The following CNOT4 variants were observed in gnomAD, a reference collection of about 807,000 sequenced individuals.
CNOT4 encodes CCR4-associated factor 4.
CNOT4 carries 8 observed loss-of-function variants against 73.8 expected under a neutral mutation model. That is an observed-to-expected ratio of 0.11 (90% CI 0.06 to 0.20). The LOEUF (loss-of-function observed/expected upper bound fraction) is 0.20. Among genes scored for constraint, CNOT4 ranks in the 10% least tolerant of loss-of-function variants. CNOT4 has a pLI of 1.00. For synonymous variants in CNOT4, 293 were observed against 321.1 expected, an observed-to-expected ratio of 0.91 and a Z score of 0.94; for missense variants, 564 against 883.4, an observed-to-expected ratio of 0.64 and a Z score of 4.58.
intron 1 of CNOT4, among the ~76,000 whole-genome samples, chr7:135,492,436 A>C (rs554756452): frequency 6.6e-6 from 1 of 152,328 alleles, no homozygotes; most frequent in Admixed American, 6.5e-5. Flanking sequence ...CGATTGAATT[A>C]TACAAGGTAA....
intron 7 of CNOT4, among the ~76,000 whole-genome samples, chr7:135,406,996 C>T (rs1797328692): frequency 6.6e-6 from 1 of 152,176 alleles, no homozygotes; most frequent in Non-Finnish European, 1.5e-5. Context: ...TGGTGGGAGG[C>T]ATTTGAATCA....
rs546726997 is a variant in CNOT4, at chr7:135,424,790, A to AAAAC, written c.175-2441_175-2438dup. On this transcript the variant is annotated intron_variant, in intron 2 of 11. Coordinates refer to ENST00000541284, the MANE Select transcript of CNOT4 (RefSeq NM_001190850.2). ...GGCGACAGAGCCAGACTCCTTCTCA[A>AAAAC]AAACAAACAAACAAACAAACAAACA... is the stretch of plus-strand genomic sequence containing the variant. Among the ~76,000 whole-genome samples the AAAAC allele has an allele frequency of 3.8e-3, 576 of 152,108 alleles. 1 individual carries two copies. The highest frequency in any genetic ancestry group is 9.3e-3 in the African/African-American group (385 of 41,494).
At chr7:135,416,304 G>A (rs1247924007) in intron 3 of CNOT4, among the ~76,000 whole-genome samples, 2 of 152,158 alleles carry the variant, frequency 1.3e-5, no homozygotes, top group South Asian at 2.1e-4. Flanking sequence ...TCTACGGCGG[G>A]TGTATCATTA....
intron 1 of CNOT4, among the ~76,000 whole-genome samples, chr7:135,452,023 G>A (rs1353464019): frequency 2.0e-5 from 3 of 152,098 alleles, no homozygotes; most frequent in Non-Finnish European, 4.4e-5. Context: ...TGAGGAGGGA[G>A]GCTCACCTGA....
At chr7:135,435,704 C>G (rs1799117287) in intron 2 of CNOT4, among the ~76,000 whole-genome samples, 1 of 152,124 alleles carries the variant, frequency 6.6e-6, no homozygotes, top group Non-Finnish European at 1.5e-5. Flanking sequence ...TTTTTGCACA[C>G]CTTTACATGT....
chr7:135,415,972 C>G (rs1169121398), intron 3 of CNOT4, among the ~76,000 whole-genome samples: 2 of 152,054 alleles, frequency 1.3e-5, no homozygotes, highest in East Asian at 3.9e-4. Flanking sequence ...ATCTCCTTTA[C>G]TTTGTGAACA....
intron 10 of CNOT4, among the ~76,000 whole-genome samples, chr7:135,377,759 T>G (rs1795599640): frequency 6.6e-6 from 1 of 152,168 alleles, no homozygotes; most frequent in Non-Finnish European, 1.5e-5. Context: ...TAAGTGTTCA[T>G]CCTTAGCAAT....
intron 1 of CNOT4, among the ~76,000 whole-genome samples, chr7:135,455,854 C>T (rs1296380137): frequency 6.6e-6 from 1 of 152,088 alleles, no homozygotes; most frequent in Non-Finnish European, 1.5e-5. Context: ...GGCAACAGAG[C>T]AAGACTGTCT....
At chr7:135,505,149 T>C (rs1382971437) in intron 1 of CNOT4, among the ~76,000 whole-genome samples, 3 of 152,164 alleles carry the variant, frequency 2.0e-5, no homozygotes, top group Non-Finnish European at 4.4e-5. Flanking sequence ...TACACACCTA[T>C]ACAAATAGCA....
intron 3 of CNOT4, among the ~76,000 whole-genome samples, chr7:135,418,853 T>C (rs1167459115): frequency 6.6e-6 from 1 of 152,162 alleles, no homozygotes; most frequent in Non-Finnish European, 1.5e-5. Flanking sequence ...AGCTAAGTGT[T>C]CTAATATATG....
chr7:135,488,367 C>T (rs1366439732), intron 1 of CNOT4, among the ~76,000 whole-genome samples: 2 of 152,196 alleles, frequency 1.3e-5, no homozygotes, highest in African/African-American at 4.8e-5. Flanking sequence ...CACATGCCAT[C>T]ACACCCAGCT....
At chr7:135,398,501 T>G (rs1299174451) in intron 7 of CNOT4, among the ~76,000 whole-genome samples, 2 of 152,046 alleles carry the variant, frequency 1.3e-5, no homozygotes, top group African/African-American at 4.8e-5. Flanking sequence ...CTAGAGCATT[T>G]CAGAGTTCAG....
intron 1 of CNOT4, among the ~76,000 whole-genome samples, chr7:135,485,723 G>A (rs946542419): frequency 2.0e-5 from 3 of 152,048 alleles, no homozygotes; most frequent in Non-Finnish European, 2.9e-5. Context: ...GAAGGGAAGC[G>A]GGACAAGAAG....
In CNOT4 at chr7:135,494,239, G is replaced by A. The variant is rs374158519; in HGVS notation, c.-93+15650C>T. Among the ~76,000 whole-genome samples the A allele has an allele frequency of 3.5e-3, 536 of 152,070 alleles. 4 individuals carry two copies. Among genetic ancestry groups the A allele is most frequent in the South Asian group, 0.021 (102 of 4,814 alleles). The stretch of plus-strand genomic sequence containing the variant: ...AATCCCAGCACTTTGGGAGGCCAAG[G>A]CGGGCAGATCACCTGAGGTCAGGAG... On this transcript the variant is annotated intron_variant, in intron 1 of 11. Coordinates refer to ENST00000541284, the MANE Select transcript of CNOT4 (RefSeq NM_001190850.2).
chr7:135,388,298 C>G (rs1796225134), intron 10 of CNOT4: 1 of 984,808 alleles, frequency 1.0e-6, no homozygotes, highest in African/African-American at 1.7e-5. Flanking sequence ...CCAACAATAT[C>G]CTTCTGAGCA....
intron 1 of CNOT4, among the ~76,000 whole-genome samples, chr7:135,452,602 T>A (rs1800243163): frequency 6.6e-6 from 1 of 152,116 alleles, no homozygotes; most frequent in Non-Finnish European, 1.5e-5. Flanking sequence ...AATAGCAGTG[T>A]CTGTCACTGA....
chr7:135,467,586 A>C (rs1801301919), intron 1 of CNOT4, among the ~76,000 whole-genome samples: 2 of 152,170 alleles, frequency 1.3e-5, no homozygotes, highest in Admixed American at 1.3e-4. Context: ...GGTGACGTGC[A>C]TGTGTAGTTC....
In CNOT4 at chr7:135,394,108, AAAT is replaced by A; in HGVS notation, c.1434_1436del (p.Gln478_Phe479delinsHis). The A allele has an allele frequency of 6.2e-7, 1 of 1,614,198 alleles. No individual in the cohort carries two copies. Among genetic ancestry groups the A allele is most frequent in the Non-Finnish European group, 8.5e-7 (1 of 1,180,032 alleles). On this transcript the variant is annotated inframe_deletion, in exon 10 of 12. Transcript: ENST00000541284. ...AATTATAAACCGCTCGGTGCTGCTG[AAAT>A]TGAGGGAACCTCTGGGGCAAGACTG...
At chr7:135,426,788 T>C (rs557622059) in intron 2 of CNOT4, among the ~76,000 whole-genome samples, 2 of 151,952 alleles carry the variant, frequency 1.3e-5, no homozygotes, top group South Asian at 2.1e-4. Flanking sequence ...CCAGGCGTGA[T>C]GGCAGGTGCC....
Sources: allele counts gnomAD v4.1 joint callset (sites outside exome capture counted in the v4.1 genomes callset), GRCh38; gene constraint gnomAD v4.1.1; transcripts MANE v1.5; gene names NCBI Gene and HGNC (gene_info 2026-07-23, HGNC 2026-07-21).